The following TNPO3 variants were observed in gnomAD, a reference collection of about 807,000 sequenced individuals.
The protein encoded by TNPO3 is transportin-3.
TNPO3 carries 65 observed loss-of-function variants against 122.8 expected under a neutral mutation model. The observed-to-expected ratio is 0.53, with a 90% CI of 0.43 to 0.65. TNPO3 has a LOEUF of 0.65. TNPO3 is among the 30% of genes least tolerant of loss of function. TNPO3 has a pLI of 0.00. For missense variants in TNPO3, 850 were observed against 1,136.7 expected, an observed-to-expected ratio of 0.75 and a Z score of 3.63; for synonymous variants, 372 against 411.2, an observed-to-expected ratio of 0.90 and a Z score of 1.15.
chr7:128,993,061 G>T (rs1800918814), intron 9 of TNPO3, among the ~76,000 whole-genome samples: 1 of 149,510 alleles, frequency 6.7e-6, no homozygotes, highest in African/African-American at 2.5e-5. Flanking sequence ...TTAATATAAT[G>T]AAAATAGTTA....
intron 8 of TNPO3, among the ~76,000 whole-genome samples, chr7:128,995,702 TTA>T (rs1263901405): frequency 2.5e-5 from 1 of 40,676 alleles, no homozygotes; most frequent in Non-Finnish European, 5.7e-5. Flanking sequence ...AGTCTTCACT[TTA>T]TTTTATTTTT....
chr7:129,023,891 A>C (rs1166050790), intron 1 of TNPO3, among the ~76,000 whole-genome samples: 1 of 152,232 alleles, frequency 6.6e-6, no homozygotes, highest in Non-Finnish European at 1.5e-5. Context: ...TAAAGAAATA[A>C]CAGATTTAGA....
In TNPO3 at chr7:129,003,039, CAAAAAAAAA is replaced by C. The variant is rs56226072; in HGVS notation, c.697-1814_697-1806del. Among the ~76,000 whole-genome samples, 33 of 53,270 alleles carry C rather than the reference CAAAAAAAAA, an allele frequency of 6.2e-4. 1 individual carries two copies. Among genetic ancestry groups the C allele is most frequent in the African/African-American group, 2.6e-3 (23 of 8,808 alleles). 34.9% of individuals were successfully genotyped at this position (53,270 alleles called of 152,430 possible). A position where few individuals can be genotyped will look rare whatever the true frequency, so the allele number is the denominator to read the frequency against. On this transcript the variant is annotated intron_variant, in intron 5 of 22. Transcript: ENST00000265388. Reference sequence around the variant, plus strand: ...CCGGCGACAGAGCGAGACTCCCTCTCAAAAAAAAAAAAAAAAAAAAAAAAATACAAAAAA... The same window carrying C: ...CCGGCGACAGAGCGAGACTCCCTCTCAAAAAAAAAAAAAAAATACAAAAAA...
intron 1 of TNPO3, among the ~76,000 whole-genome samples, chr7:129,053,843 A>C (rs1809116689): frequency 6.6e-6 from 1 of 152,248 alleles, no homozygotes; most frequent in Non-Finnish European, 1.5e-5. Flanking sequence ...GAAGCACAGC[A>C]AAGGTGTGAA....
chr7:128,960,030 A>G (rs1797289230), intron 21 of TNPO3, among the ~76,000 whole-genome samples: 1 of 152,174 alleles, frequency 6.6e-6, no homozygotes, highest in Non-Finnish European at 1.5e-5. Context: ...CAAAAAAACG[A>G]AAAAGCTCCA....
chr7:129,006,425 A>G (rs1244434948), intron 4 of TNPO3, among the ~76,000 whole-genome samples: 3 of 152,362 alleles, frequency 2.0e-5, no homozygotes, highest in Middle Eastern at 6.8e-3. Context: ...CATCCCACAG[A>G]AAGTGATACT....
In TNPO3 at chr7:128,968,932, A is replaced by G. The variant is rs146089587; in HGVS notation, c.2598+1216T>C. 1.3e-3 allele frequency among the ~76,000 whole-genome samples: 204 copies of G among 151,426 alleles called. 5 individuals carry two copies. Among genetic ancestry groups the G allele is most frequent in the Admixed American group, 0.013 (190 of 15,192 alleles). ...TGTAGGGATGGGGTCTATGTTGCCC[A>G]GGCTGGTAGTCTCAAGCTCCTGGCG... On this transcript the variant is annotated intron_variant, in intron 20 of 22. Transcript: ENST00000265388.
chr7:129,015,987 G>A (rs2150429622), intron 3 of TNPO3, among the ~76,000 whole-genome samples: 1 of 151,992 alleles, frequency 6.6e-6, no homozygotes, highest in Admixed American at 6.6e-5. Flanking sequence ...GCTGAGGTGG[G>A]AGGATCACTT....
Position 129,025,299 on chromosome 7 carries a change from G to A in TNPO3, c.121-7142C>T, listed in dbSNP as rs981567685. On this transcript the variant is annotated intron_variant, in intron 1 of 22. Transcript: ENST00000265388. ...CGGGAGGCAGAAGTTGCAGTGAGCC[G>A]AGATCGTACCACCACACTCCAGCCT... is the stretch of plus-strand genomic sequence containing the variant. Among the ~76,000 whole-genome samples the A allele has an allele frequency of 6.4e-5, 8 of 125,844 alleles. No individual in the cohort carries two copies. In the Admixed American group the frequency reaches 6.8e-4, roughly 11 times the overall value. The allele number at this position is 125,844 out of a possible 152,430, so 82.6% of individuals were successfully genotyped here.
At chr7:128,997,833 T>C (rs1801495296) in intron 7 of TNPO3, among the ~76,000 whole-genome samples, 1 of 151,814 alleles carries the variant, frequency 6.6e-6, no homozygotes, top group Non-Finnish European at 1.5e-5. Flanking sequence ...GACATGGAAG[T>C]CTTTATTTTT....
rs1009960327 is a variant in TNPO3, at chr7:128,974,782, A to G, written c.2273+86T>C. The G allele has an allele frequency of 4.4e-5, 51 of 1,150,426 alleles. No individual in the cohort carries two copies. The African/African-American group carries it at 6.9e-4, about 16-fold the overall frequency. 71.3% of individuals were successfully genotyped at this position (1,150,426 alleles called of 1,614,324 possible). Reference sequence around the variant, plus strand: ...ACTTACTCCAGTGACTTCATTTTACAAGAATAAAACAACCAAGGGTCAGAT... The same window carrying G: ...ACTTACTCCAGTGACTTCATTTTACGAGAATAAAACAACCAAGGGTCAGAT... On this transcript the variant is annotated intron_variant, in intron 18 of 22. Transcript: ENST00000265388.
chr7:128,966,108 T>G (rs947880778), intron 21 of TNPO3, among the ~76,000 whole-genome samples: 1 of 152,190 alleles, frequency 6.6e-6, no homozygotes, highest in Non-Finnish European at 1.5e-5. Flanking sequence ...GTTAAAAAAT[T>G]TTCAAATTAT....
chr7:128,993,093 GATC>G (rs1313754724), intron 9 of TNPO3, among the ~76,000 whole-genome samples: 2 of 148,206 alleles, frequency 1.3e-5, no homozygotes, highest in African/African-American at 5.0e-5. Flanking sequence ...ATACTTTTTA[GATC>G]ATATTACACC....
chr7:128,990,185 T>C, intron 10 of TNPO3, 85 bp from the exon 11 acceptor site: 1 of 1,435,924 alleles, frequency 7.0e-7, no homozygotes. Flanking sequence ...ACACACAGCA[T>C]TGCTAAAGGG....
intron 7 of TNPO3, among the ~76,000 whole-genome samples, chr7:128,999,510 G>A (rs1218066964): frequency 6.6e-6 from 1 of 152,178 alleles, no homozygotes; most frequent in African/African-American, 2.4e-5. Flanking sequence ...CAGGACCACT[G>A]TGCCTAAGGC....
At chr7:129,003,679 T>G (rs1215705281) in intron 5 of TNPO3, among the ~76,000 whole-genome samples, 1 of 151,514 alleles carries the variant, frequency 6.6e-6, no homozygotes, top group African/African-American at 2.4e-5. Flanking sequence ...CCTGTGACAC[T>G]CCCCCTAAAA....
intron 1 of TNPO3, among the ~76,000 whole-genome samples, chr7:129,050,312 A>G (rs1207131396): frequency 7.9e-6 from 1 of 126,916 alleles, no homozygotes; most frequent in Non-Finnish European, 1.6e-5. Context: ...TGAACCCGGG[A>G]GGCGGAGCTT....
At chr7:128,966,763 T>A (rs979148220) in intron 21 of TNPO3, among the ~76,000 whole-genome samples, 3 of 152,246 alleles carry the variant, frequency 2.0e-5, no homozygotes, top group Non-Finnish European at 4.4e-5. Context: ...ATCCAGAGAT[T>A]GTAAGTTCCT....
At chr7:128,997,314 T>G in intron 8 of TNPO3, 75 bp downstream of exon 8, 1 of 1,544,540 alleles carries the variant, frequency 6.5e-7, no homozygotes, top group Non-Finnish European at 8.8e-7. Flanking sequence ...ATTATCTATC[T>G]TCTCAGTTCC....
Sources: gnomAD v4.1 joint callset for allele counts (sites outside exome capture counted in the v4.1 genomes callset) on GRCh38, gnomAD v4.1.1 for gene constraint, MANE v1.5 for transcripts, NCBI Gene and HGNC (gene_info 2026-07-23, HGNC 2026-07-21) for gene names.